Variants in IPMK observed in about 807,000 individuals in gnomAD.
IPMK encodes the protein inositol 1,3,4,6-tetrakisphosphate 5-kinase.
In IPMK, 17 loss-of-function variants were observed where a neutral mutation model predicts 45.8. The ratio of observed to expected loss-of-function variants is 0.37; its 90% CI spans 0.25 to 0.56. The LOEUF (loss-of-function observed/expected upper bound fraction) is 0.56, where lower values mean the gene tolerates loss of function less well. IPMK is among the 20% of genes least tolerant of loss of function. IPMK has a pLI of 0.79. For synonymous variants in IPMK, 180 were observed against 184.3 expected, an observed-to-expected ratio of 0.98 and a Z score of 0.19; for missense variants, 399 against 498.0, an observed-to-expected ratio of 0.80 and a Z score of 1.89.
chr10:58,211,712 G>C (rs997237874), intron 4 of IPMK, among the ~76,000 whole-genome samples: 1 of 148,602 alleles, frequency 6.7e-6, no homozygotes, highest in African/African-American at 2.5e-5. Context: ...CAGTGAAACA[G>C]TGCACAGTAG....
intron 4 of IPMK, among the ~76,000 whole-genome samples, chr10:58,201,278 T>C (rs1288498350): frequency 6.6e-6 from 1 of 152,196 alleles, no homozygotes; most frequent in Non-Finnish European, 1.5e-5. Flanking sequence ...TATTTACAAA[T>C]TGAAGGTCTG....
intron 1 of IPMK, among the ~76,000 whole-genome samples, chr10:58,238,848 G>T (rs767008): frequency 0.27 from 40,257 of 150,126 alleles, 8,015 homozygotes; most frequent in African/African-American, 0.56. Flanking sequence ...TTTGTTTTTT[G>T]TTTTTTTTTA....
chr10:58,213,981 ATAACGAGTTTGGTTG>A (rs1431229946), intron 4 of IPMK, among the ~76,000 whole-genome samples: 1 of 152,250 alleles, frequency 6.6e-6, no homozygotes, highest in Non-Finnish European at 1.5e-5. Context: ...GGAAATAGAA[ATAACGAGTTTGGTTG>A]TAAAGCCGAG....
intron 1 of IPMK, among the ~76,000 whole-genome samples, chr10:58,240,031 T>C (rs1838673674): frequency 6.6e-6 from 1 of 151,980 alleles, no homozygotes; most frequent in South Asian, 2.1e-4. Flanking sequence ...ACTCAAAATA[T>C]CAGGAAAACA....
At chr10:58,212,596 G>T in intron 4 of IPMK, 2 of 235,062 alleles carry the variant, frequency 8.5e-6, no homozygotes, top group South Asian at 1.5e-4. Context: ...CTATCCTCAT[G>T]ATAGTCCAAC....
intron 1 of IPMK, among the ~76,000 whole-genome samples, chr10:58,244,200 C>T (rs866231031): frequency 1.9e-4 from 29 of 148,808 alleles, no homozygotes; most frequent in South Asian, 4.3e-4. Context: ...CGCCTCTGCC[C>T]GGCCGCCCCA....
chr10:58,267,326 C>A, intron 1 of IPMK, 96 bp downstream of exon 1: 6 of 1,207,840 alleles, frequency 5.0e-6, no homozygotes, highest in East Asian at 2.4e-5. Flanking sequence ...ACCAGGGGGG[C>A]GTCCAGGCAG....
At chr10:58,259,566 C>T (rs1231275406) in intron 1 of IPMK, among the ~76,000 whole-genome samples, 1 of 151,642 alleles carries the variant, frequency 6.6e-6, no homozygotes, top group Non-Finnish European at 1.5e-5. Flanking sequence ...GGCAGAATGG[C>T]TCACGCCTAT....
chr10:58,267,491 G>A lies in IPMK; in HGVS notation c.121C>T (p.Arg41Cys). The A allele has an allele frequency of 6.2e-7, 1 of 1,613,632 alleles. No individual in the cohort carries two copies. Among genetic ancestry groups the A allele is most frequent in the Non-Finnish European group, 8.5e-7 (1 of 1,179,872 alleles). ...GTPQPAGGRL[R>C]FLNGCVPLSH... ...AGGGGCACGCAGCCGTTGAGGAAGC[G>A]GAGTCTGCCGCCCGCCGGCTGCGGG... The change falls in exon 1 of 6, where the codon CGC (arginine) becomes TGC (cysteine). Residue 41 changes from arginine to cysteine, a missense_variant. Around this residue, in one of 2 missense-constraint regions of IPMK, gnomAD observed 111 missense variants for 99.9 expected, o/e 1.11. Coordinates refer to ENST00000373935, the MANE Select transcript of IPMK (RefSeq NM_152230.5).
chr10:58,209,321 T>C (rs1168968491), intron 4 of IPMK, among the ~76,000 whole-genome samples: 1 of 152,184 alleles, frequency 6.6e-6, no homozygotes, highest in African/African-American at 2.4e-5. Flanking sequence ...GCAGTGTATA[T>C]GCAGACTTTC....
At chr10:58,237,648 A>G in intron 2 of IPMK, 81 bp downstream of exon 2, 8 of 1,002,166 alleles carry the variant, frequency 8.0e-6, no homozygotes, top group Non-Finnish European at 8.0e-6. Context: ...ATGCTGTCAA[A>G]TATGTGTCTT....
intron 1 of IPMK, among the ~76,000 whole-genome samples, chr10:58,240,389 A>G (rs1434775612): frequency 6.6e-6 from 1 of 151,756 alleles, no homozygotes; most frequent in Non-Finnish European, 1.5e-5. Flanking sequence ...AAAAAAATGT[A>G]TAGAGCATTA....
chr10:58,260,904 A>G (rs1839054977), intron 1 of IPMK, among the ~76,000 whole-genome samples: 1 of 152,178 alleles, frequency 6.6e-6, no homozygotes, highest in Non-Finnish European at 1.5e-5. Context: ...TTTCTGGGGA[A>G]AAGTAATGAG....
intron 3 of IPMK, among the ~76,000 whole-genome samples, chr10:58,217,690 A>G (rs1231482462): frequency 2.0e-5 from 3 of 146,808 alleles, no homozygotes; most frequent in Admixed American, 6.8e-5. Context: ...CTCCATCTCA[A>G]AAAAAAAAAA....
intron 3 of IPMK, among the ~76,000 whole-genome samples, chr10:58,223,709 T>C (rs1838371291): frequency 6.6e-6 from 1 of 152,188 alleles, no homozygotes; most frequent in Non-Finnish European, 1.5e-5. Context: ...ATCTCATCTC[T>C]AATTGGAATC....
chr10:58,215,423 T>C (rs1488888648), intron 4 of IPMK, among the ~76,000 whole-genome samples: 1 of 152,002 alleles, frequency 6.6e-6, no homozygotes, highest in African/African-American at 2.4e-5. Context: ...TTGTTTGTTT[T>C]TCTGAGACAG....
At chr10:58,218,903 G>A (rs1291615166) in intron 3 of IPMK, among the ~76,000 whole-genome samples, 1 of 152,174 alleles carries the variant, frequency 6.6e-6, no homozygotes, top group East Asian at 1.9e-4. Context: ...CTGAATGAAT[G>A]TTTGCCCTTC....
Position 58,267,801 on chromosome 10 carries a change from A to C in IPMK, c.-190T>G, listed in dbSNP as rs1053322100. On this transcript the variant is annotated 5_prime_UTR_variant, in exon 1 of 6. Transcript: ENST00000373935. ...CGGGGCGCGGGCGCTCCTCTGCCCA[A>C]CTCTCGGCGGAACGCGGCTCCCGGC... The C allele has an allele frequency of 2.0e-6, 1 of 506,690 alleles. No homozygotes were observed. The highest frequency in any genetic ancestry group is 2.8e-5 in the South Asian group (1 of 36,200). The allele number at this position is 506,690 out of a possible 1,614,324, so 31.4% of individuals were successfully genotyped here.
rs575965801 is a variant in IPMK, at chr10:58,235,651, G to A, written c.276+2078C>T. On this transcript the variant is annotated intron_variant, in intron 2 of 5. Transcript: ENST00000373935. ...TGGACACAGGGGAACATCACGCACC[G>A]GGGCCTGTCAGGGGCTGCGGGGCTG... Among the ~76,000 whole-genome samples, 7 of 152,232 alleles carry A rather than the reference G, an allele frequency of 4.6e-5. No homozygotes were observed. In the South Asian group the frequency reaches 1.0e-3, roughly 23 times the overall value.
Sources: gnomAD v4.1 joint callset for allele counts (sites outside exome capture counted in the v4.1 genomes callset) on GRCh38, gnomAD v4.1.1 for gene constraint, gnomAD v4.1.1 regional missense constraint, MANE v1.5 for transcripts, NCBI Gene and HGNC (gene_info 2026-07-23, HGNC 2026-07-21) for gene names.